The following GLRX3 variants were observed in gnomAD, a reference collection of about 807,000 sequenced individuals.
GLRX3 encodes the protein glutaredoxin 3, also known as glutaredoxin-3.
Under a neutral mutation model 49.5 loss-of-function variants are expected in GLRX3, and 22 were observed. That is an observed-to-expected ratio of 0.44 (90% confidence interval 0.32 to 0.63). GLRX3 has a LOEUF of 0.63. Among genes scored for constraint, GLRX3 ranks in the 30% least tolerant of loss-of-function variants. The pLI, the probability that GLRX3 is intolerant of heterozygous loss-of-function variation, is 0.05. For missense variants in GLRX3, 385 were observed against 396.3 expected, an observed-to-expected ratio of 0.97 and a Z score of 0.24; for synonymous variants, 133 against 140.0, an observed-to-expected ratio of 0.95 and a Z score of 0.35.
intron 6 of GLRX3, among the ~76,000 whole-genome samples, chr10:130,168,071 TC>T (rs559657905): frequency 2.5e-3 from 378 of 152,354 alleles, no homozygotes; most frequent in South Asian, 3.5e-3. Flanking sequence ...TGGCCTTGTC[TC>T]CATCAGACCT....
intron 2 of GLRX3, among the ~76,000 whole-genome samples, chr10:130,150,119 A>G (rs1342760582): frequency 6.6e-6 from 1 of 151,718 alleles, no homozygotes; most frequent in South Asian, 2.1e-4. Context: ...ACATGCCTCT[A>G]TTCCCAGCTA....
At chr10:130,153,000 CT>C (rs1862408089) in intron 2 of GLRX3, among the ~76,000 whole-genome samples, 1 of 152,160 alleles carries the variant, frequency 6.6e-6, no homozygotes. Context: ...TTGTTCGTTT[CT>C]TTTCACTCTT....
chr10:130,167,285 T>A (rs1338569197), intron 6 of GLRX3, among the ~76,000 whole-genome samples: 1 of 152,228 alleles, frequency 6.6e-6, no homozygotes, highest in Non-Finnish European at 1.5e-5. Flanking sequence ...CCAGTTGTTT[T>A]GTCACTGCTC....
intron 1 of GLRX3, among the ~76,000 whole-genome samples, chr10:130,142,188 C>T: frequency 6.6e-6 from 1 of 152,100 alleles, no homozygotes; most frequent in Admixed American, 6.6e-5. Context: ...TCCTTGTGTG[C>T]CTGTGGACAC....
chr10:130,174,076 G>A (rs1862867429), intron 8 of GLRX3, among the ~76,000 whole-genome samples: 1 of 152,160 alleles, frequency 6.6e-6, no homozygotes, highest in African/African-American at 2.4e-5. Flanking sequence ...GGATACAGTT[G>A]GATATTCATG....
intron 10 of GLRX3, among the ~76,000 whole-genome samples, chr10:130,177,891 A>G (rs1291746390): frequency 2.6e-5 from 4 of 152,216 alleles, no homozygotes; most frequent in Admixed American, 6.5e-5. Context: ...GAAATGTTAT[A>G]TCATACTAAA....
At chr10:130,166,744 G>T in intron 5 of GLRX3, 65 bp downstream of exon 5, 3 of 1,184,156 alleles carry the variant, frequency 2.5e-6, no homozygotes, top group South Asian at 1.3e-5. Flanking sequence ...TTAAAATGTT[G>T]TGATAAATCT....
chr10:130,177,960 A>G (rs1862954830), intron 10 of GLRX3, among the ~76,000 whole-genome samples: 1 of 152,210 alleles, frequency 6.6e-6, no homozygotes, highest in African/African-American at 2.4e-5. Flanking sequence ...CTTGGTGTCT[A>G]TAATCCAGAT....
intron 1 of GLRX3, 119 bp downstream of exon 1, chr10:130,136,631 C>G: frequency 8.5e-7 from 1 of 1,171,982 alleles, no homozygotes; most frequent in Non-Finnish European, 1.1e-6. Flanking sequence ...TCCCTTCGGC[C>G]TCGGGGGACC....
At chr10:130,174,830 C>T in intron 8 of GLRX3, 37 bp from the exon 9 acceptor site, 1 of 1,342,064 alleles carries the variant, frequency 7.5e-7, no homozygotes, top group South Asian at 1.2e-5. Flanking sequence ...TTTGATTTAA[C>T]TGTATTTCCA....
Position 130,159,985 on chromosome 10 carries a change from T to G in GLRX3, c.202-10T>G. On this transcript the variant is annotated splice_polypyrimidine_tract_variant and intron_variant, in intron 2 of 10. Coordinates refer to ENST00000331244, the MANE Select transcript of GLRX3 (RefSeq NM_006541.5). ...TGTAATAATCAAGCTTGAATTCTTTTATTTTAAAGTTGGAAGCTGAAGGTG... is the reference window on the plus strand; with the variant it reads ...TGTAATAATCAAGCTTGAATTCTTTGATTTTAAAGTTGGAAGCTGAAGGTG... The G allele has an allele frequency of 6.5e-7, 1 of 1,536,268 alleles. No homozygotes were observed. The highest frequency in any genetic ancestry group is 1.1e-5 in the South Asian group (1 of 89,420).
intron 1 of GLRX3, among the ~76,000 whole-genome samples, chr10:130,138,855 T>TG (rs1418961524): frequency 6.8e-6 from 1 of 147,054 alleles, no homozygotes; most frequent in African/African-American, 2.5e-5. Flanking sequence ...GTGTTTTTTT[T>TG]TTTTTTTTTT....
chr10:130,136,487 G>T lies in GLRX3; in HGVS notation c.67G>T (p.Glu23Ter). The change falls in exon 1 of 11, where the codon GAG becomes TAG. Residue 23 changes from glutamate to a stop codon, truncating the protein, a stop_gained. Transcript: ENST00000331244. LOFTEE classifies it high-confidence loss of function. Reference sequence around the variant, plus strand: ...GGAGGTCGGCTCAGCCGGGCAGTTTGAGGAGCTGCTGCGCCTCAAAGCCAA... The same window carrying T: ...GGAGGTCGGCTCAGCCGGGCAGTTTTAGGAGCTGCTGCGCCTCAAAGCCAA... ...VEEVGSAGQF[E>*]ELLRLKAKSL... is the part of the protein sequence containing the mutation. 1 of 1,266,674 alleles carries T rather than the reference G, an allele frequency of 7.9e-7. No homozygotes were observed. Among genetic ancestry groups the T allele is most frequent in the South Asian group, 3.4e-5 (1 of 29,352 alleles). The allele number at this position is 1,266,674 out of a possible 1,614,324, so 78.5% of individuals were successfully genotyped here. A position where few individuals can be genotyped will look rare whatever the true frequency, so the allele number is the denominator to read the frequency against.
At chr10:130,150,960 C>G (rs1862365557) in intron 2 of GLRX3, among the ~76,000 whole-genome samples, 1 of 148,898 alleles carries the variant, frequency 6.7e-6, no homozygotes, top group Non-Finnish European at 1.5e-5. Flanking sequence ...CAGAGTCTCA[C>G]TGTGTCGCCC....
At chr10:130,163,028 T>C (rs774431906) in intron 4 of GLRX3, among the ~76,000 whole-genome samples, 1 of 152,232 alleles carries the variant, frequency 6.6e-6, no homozygotes, top group Non-Finnish European at 1.5e-5. Context: ...TAAAATATAC[T>C]GCTAGCATTT....
chr10:130,138,538 A>G (rs1286524374), intron 1 of GLRX3, among the ~76,000 whole-genome samples: 1 of 152,182 alleles, frequency 6.6e-6, no homozygotes, highest in Non-Finnish European at 1.5e-5. Context: ...TTAAAGTGTT[A>G]TTTAAACAGC....
chr10:130,172,728 G>A (rs900393965), intron 8 of GLRX3, among the ~76,000 whole-genome samples: 4 of 152,146 alleles, frequency 2.6e-5, no homozygotes, highest in African/African-American at 7.2e-5. Context: ...GATCACTTGA[G>A]GTCAGGAGTT....
intron 2 of GLRX3, among the ~76,000 whole-genome samples, chr10:130,154,068 A>G (rs1274132059): frequency 2.0e-5 from 3 of 152,228 alleles, no homozygotes; most frequent in Non-Finnish European, 4.4e-5. Context: ...GCCAAGCTTC[A>G]GTGTCCTAGG....
chr10:130,159,014 A>G (rs1862527940), intron 2 of GLRX3, among the ~76,000 whole-genome samples: 1 of 152,202 alleles, frequency 6.6e-6, no homozygotes. Flanking sequence ...CTGATTGGGT[A>G]AGGCTCTAAA....
Sources: gnomAD v4.1 joint callset for allele counts (sites outside exome capture counted in the v4.1 genomes callset) on GRCh38, gnomAD v4.1.1 for gene constraint, MANE v1.5 for transcripts, NCBI Gene and HGNC (gene_info 2026-07-23, HGNC 2026-07-21) for gene names.